The following RIMS2 variants were observed in gnomAD, a reference collection of about 807,000 sequenced individuals.
RIMS2 encodes regulating synaptic membrane exocytosis protein 2.
In RIMS2, 59 loss-of-function variants were observed where a neutral mutation model predicts 174.4. That is an observed-to-expected ratio of 0.34 (90% CI 0.27 to 0.42). The LOEUF is 0.42. Ranked by LOEUF, RIMS2 falls within the 10% of genes least tolerant of loss-of-function variation. The probability of loss-of-function intolerance (pLI) is 1.00; values close to 1 mark genes in which losing one functional copy is unlikely to be tolerated. For missense variants in RIMS2, 1,620 were observed against 1,666.3 expected (o/e 0.97, Z 0.48); for synonymous variants, 606 against 572.5 (o/e 1.06, Z -0.84).
intron 3 of RIMS2, among the ~76,000 whole-genome samples, chr8:103,810,137 C>T (rs1592907492): frequency 6.6e-6 from 1 of 152,268 alleles, no homozygotes; most frequent in East Asian, 1.9e-4. Flanking sequence ...CTAATTCTAA[C>T]CAGTTCACTC....
At chr8:103,561,898 G>A (rs1341398606) in intron 1 of RIMS2, among the ~76,000 whole-genome samples, 1 of 152,202 alleles carries the variant, frequency 6.6e-6, no homozygotes, top group Admixed American at 6.5e-5. Context: ...AGGCAAGGAG[G>A]AGCAAGTTAC....
intron 19 of RIMS2, among the ~76,000 whole-genome samples, chr8:104,155,049 T>A (rs1234841152): frequency 6.6e-6 from 1 of 152,116 alleles, no homozygotes; most frequent in African/African-American, 2.4e-5. Flanking sequence ...TCAGTCTAAA[T>A]GCCAGAAGGT....
chr8:104,174,490 G>A (rs2098859987), intron 19 of RIMS2, among the ~76,000 whole-genome samples: 2 of 152,086 alleles, frequency 1.3e-5, no homozygotes, highest in Non-Finnish European at 2.9e-5. Flanking sequence ...TCATTTAGAA[G>A]AAAATGCATT....
intron 1 of RIMS2, among the ~76,000 whole-genome samples, chr8:103,531,206 GTACA>G (rs1003202885): frequency 1.3e-5 from 2 of 151,974 alleles, no homozygotes; most frequent in South Asian, 2.1e-4. Context: ...CAACTGCAGA[GTACA>G]TACATATTCT....
chr8:103,895,987 C>T lies in RIMS2; in HGVS notation c.1624+9764C>T, dbSNP rs551758601. Among the ~76,000 whole-genome samples the T allele has an allele frequency of 2.0e-5, 3 of 151,720 alleles. No homozygotes were observed. The South Asian group carries it at 6.2e-4, about 31-fold the overall frequency. On this transcript the variant is annotated intron_variant, in intron 4 of 23. Transcript: ENST00000504942. ...GTGGTATACAGACACATTTAAAGTTCAGCCAGTTCTCAACCCTTGGGTTTT... is the reference window on the plus strand; with the variant it reads ...GTGGTATACAGACACATTTAAAGTTTAGCCAGTTCTCAACCCTTGGGTTTT...
chr8:103,942,673 A>T, intron 13 of RIMS2, 100 bp from the exon 16 acceptor site: 3 of 818,146 alleles, frequency 3.7e-6, no homozygotes, highest in Non-Finnish European at 5.5e-6. Flanking sequence ...ATGTAATAGC[A>T]TTACTATTAT....
intron 1 of RIMS2, among the ~76,000 whole-genome samples, chr8:103,621,345 T>C (rs1321228894): frequency 6.6e-6 from 1 of 152,240 alleles, no homozygotes; most frequent in Non-Finnish European, 1.5e-5. Context: ...CCTCACATTC[T>C]GTATTTGTCC....
chr8:103,600,847 C>T (rs75840413), intron 1 of RIMS2, among the ~76,000 whole-genome samples: 1,542 of 152,102 alleles, frequency 0.01, 30 homozygotes, highest in African/African-American at 0.035. Context: ...TTTTCACATC[C>T]TCTCCAACAT....
chr8:103,885,253 A>C (rs2099192977), intron 3 of RIMS2, 45 bp from the exon 7 acceptor site: 1 of 1,501,488 alleles, frequency 6.7e-7, no homozygotes, highest in East Asian at 2.4e-5. Flanking sequence ...TGTAAAATTG[A>C]TAAACTTTTG....
intron 2 of RIMS2, among the ~76,000 whole-genome samples, chr8:103,734,643 C>G (rs1241773187): frequency 6.6e-6 from 1 of 151,850 alleles, no homozygotes; most frequent in African/African-American, 2.4e-5. Context: ...TATGCCTGTT[C>G]CTGACAGAGT....
At chr8:103,611,294 G>T (rs1317577826) in intron 1 of RIMS2, among the ~76,000 whole-genome samples, 1 of 152,032 alleles carries the variant, frequency 6.6e-6, no homozygotes, top group Non-Finnish European at 1.5e-5. Flanking sequence ...TTATTGTTAT[G>T]ATTATTATTT....
chr8:103,903,871 G>A (rs2073789576), intron 4 of RIMS2, among the ~76,000 whole-genome samples: 1 of 152,154 alleles, frequency 6.6e-6, no homozygotes. Context: ...TTTGTAGGAA[G>A]TTGGAAAGAT....
chr8:104,186,378 A>G (rs1322488046), intron 19 of RIMS2, among the ~76,000 whole-genome samples: 1 of 151,824 alleles, frequency 6.6e-6, no homozygotes, highest in African/African-American at 2.4e-5. Context: ...AAATTTATAG[A>G]AAAGAAACCT....
intron 19 of RIMS2, among the ~76,000 whole-genome samples, chr8:104,151,073 C>T (rs879532538): frequency 2.0e-5 from 3 of 152,196 alleles, no homozygotes; most frequent in South Asian, 2.1e-4. Flanking sequence ...AGATAAGATC[C>T]TGAGCTAAGC....
chr8:103,837,970 C>T lies in RIMS2; in HGVS notation c.699-47328C>T, dbSNP rs533975300. Among the ~76,000 whole-genome samples, 6 of 146,408 alleles carry T rather than the reference C, an allele frequency of 4.1e-5. No individual in the cohort carries two copies. The East Asian group carries it at 1.2e-3, about 30-fold the overall frequency. ...TTTTTTTTTTTTTCTGAGACAGTGT[C>T]TCCCTCCCAGGATCCAGCCAGGCTG... On this transcript the variant is annotated intron_variant, in intron 3 of 23. Transcript: ENST00000504942.
chr8:104,077,012 G>T (rs929780341), intron 19 of RIMS2, among the ~76,000 whole-genome samples: 19 of 151,826 alleles, frequency 1.3e-4, no homozygotes, highest in Middle Eastern at 3.4e-3. Context: ...AAAAGGCAGG[G>T]TTTCACCACG....
At chr8:103,721,608 C>T (rs189160469) in intron 2 of RIMS2, among the ~76,000 whole-genome samples, 3 of 152,306 alleles carry the variant, frequency 2.0e-5, no homozygotes, top group African/African-American at 7.2e-5. Flanking sequence ...TACCTAACTT[C>T]TTGTGAGCAG....
At chr8:104,076,367 A>G (rs1042393338) in intron 19 of RIMS2, among the ~76,000 whole-genome samples, 1 of 152,162 alleles carries the variant, frequency 6.6e-6, no homozygotes, top group Non-Finnish European at 1.5e-5. Flanking sequence ...TGTGATATCA[A>G]ACATCCATCA....
At chr8:103,882,850 G>C (rs1310873597) in intron 3 of RIMS2, among the ~76,000 whole-genome samples, 1 of 151,496 alleles carries the variant, frequency 6.6e-6, no homozygotes, top group East Asian at 1.9e-4. Context: ...CTGTTATAAA[G>C]ACTCATTGTA....
Sources: allele counts gnomAD v4.1 joint callset (sites outside exome capture counted in the v4.1 genomes callset), GRCh38; gene constraint gnomAD v4.1.1; transcripts MANE v1.5; gene names NCBI Gene and HGNC (gene_info 2026-07-23, HGNC 2026-07-21).